Variants in DPP10 observed in about 807,000 individuals in gnomAD.
DPP10 encodes inactive dipeptidyl peptidase 10.
Under a neutral mutation model 120.9 loss-of-function variants are expected in DPP10, and 33 were observed. The observed-to-expected ratio is 0.27, with a 90% CI of 0.21 to 0.37. The LOEUF (loss-of-function observed/expected upper bound fraction) is 0.37. Ranked by LOEUF, DPP10 falls within the 10% of genes least tolerant of loss-of-function variation. DPP10 has a pLI of 1.00. For synonymous variants in DPP10, 337 were observed against 326.1 expected (o/e 1.03, Z -0.36); for missense variants, 816 against 942.8 (o/e 0.87, Z 1.76).
chr2:115,818,174 T>C (rs1436648732), intron 21 of DPP10, among the ~76,000 whole-genome samples: 1 of 152,204 alleles, frequency 6.6e-6, no homozygotes, highest in East Asian at 1.9e-4. Context: ...CATCAGTTTC[T>C]TATTAGGGTT....
chr2:114,621,190 A>T (rs1694066202), intron 1 of DPP10, among the ~76,000 whole-genome samples: 1 of 152,084 alleles, frequency 6.6e-6, no homozygotes, highest in Non-Finnish European at 1.5e-5. Flanking sequence ...TGTTAGGCAA[A>T]TGCTTATTAT....
At chr2:115,823,601 A>G (rs1688022937) in intron 21 of DPP10, among the ~76,000 whole-genome samples, 1 of 152,122 alleles carries the variant, frequency 6.6e-6, no homozygotes, top group African/African-American at 2.4e-5. Context: ...TTCAGTTTGT[A>G]TTTGGCTTTT....
intron 4 of DPP10, among the ~76,000 whole-genome samples, chr2:115,511,203 AC>A (rs2077205220): frequency 6.6e-6 from 1 of 152,104 alleles, no homozygotes; most frequent in Non-Finnish European, 1.5e-5. Context: ...CACTGATGAT[AC>A]CATTATGGCC....
At chr2:115,535,523 G>A (rs1575118721) in intron 5 of DPP10, among the ~76,000 whole-genome samples, 1 of 151,370 alleles carries the variant, frequency 6.6e-6, no homozygotes, top group South Asian at 2.1e-4. Context: ...TAGCCTTGTA[G>A]TATAGTTTGA....
chr2:115,649,719 T>C (rs1333940819), intron 5 of DPP10, among the ~76,000 whole-genome samples: 2 of 152,150 alleles, frequency 1.3e-5, no homozygotes, highest in Non-Finnish European at 2.9e-5. Flanking sequence ...TATTATGTAG[T>C]CAGAATGAAA....
chr2:114,735,451 C>T (rs924865106), intron 1 of DPP10, among the ~76,000 whole-genome samples: 2 of 152,094 alleles, frequency 1.3e-5, no homozygotes, highest in African/African-American at 4.8e-5. Context: ...ATGTAAAAAT[C>T]TTTCAGATGG....
At chr2:115,756,693 T>C (rs1679445371) in intron 11 of DPP10, among the ~76,000 whole-genome samples, 1 of 152,136 alleles carries the variant, frequency 6.6e-6, no homozygotes, top group Non-Finnish European at 1.5e-5. Flanking sequence ...AAGGAATAAA[T>C]CCTGTAATTC....
chr2:115,453,822 A>AT (rs1466534086), intron 3 of DPP10, among the ~76,000 whole-genome samples: 3 of 151,558 alleles, frequency 2.0e-5, no homozygotes, highest in African/African-American at 7.2e-5. Flanking sequence ...AATTCTTTAA[A>AT]AAGACCAACA....
At chr2:114,662,735 G>A (rs1003163564) in intron 1 of DPP10, among the ~76,000 whole-genome samples, 5 of 152,100 alleles carry the variant, frequency 3.3e-5, no homozygotes, top group African/African-American at 1.2e-4. Context: ...ATGGCGCTTT[G>A]GCTCCTGGGG....
At chr2:114,567,235 G>A (rs904346594) in intron 1 of DPP10, among the ~76,000 whole-genome samples, 2 of 152,154 alleles carry the variant, frequency 1.3e-5, no homozygotes, top group Non-Finnish European at 2.9e-5. Context: ...CAGAATAATA[G>A]CCCCCTAAAG....
intron 2 of DPP10, among the ~76,000 whole-genome samples, chr2:115,331,926 A>C (rs551354777): frequency 6.6e-6 from 1 of 152,240 alleles, no homozygotes; most frequent in African/African-American, 2.4e-5. Context: ...TATCAGGATG[A>C]TGCTGGCCTC....
At chr2:114,942,524 A>C (rs950413763) in intron 1 of DPP10, among the ~76,000 whole-genome samples, 3 of 150,918 alleles carry the variant, frequency 2.0e-5, no homozygotes, top group African/African-American at 7.3e-5. Flanking sequence ...AGGAAGAATA[A>C]GTCAATCTGT....
At chr2:114,767,009 T>C (rs947235372) in intron 1 of DPP10, among the ~76,000 whole-genome samples, 1 of 150,520 alleles carries the variant, frequency 6.6e-6, no homozygotes, top group Non-Finnish European at 1.5e-5. Context: ...AGTGTGCAAA[T>C]GTCAATTTCC....
At chr2:114,920,706 T>C (rs747549717) in intron 1 of DPP10, among the ~76,000 whole-genome samples, 3 of 152,214 alleles carry the variant, frequency 2.0e-5, no homozygotes, top group Non-Finnish European at 2.9e-5. Context: ...ATAAACATTT[T>C]ACAAGAAATG....
At chr2:115,503,871 G>A (rs955542190) in intron 4 of DPP10, among the ~76,000 whole-genome samples, 5 of 152,068 alleles carry the variant, frequency 3.3e-5, no homozygotes, top group African/African-American at 1.2e-4. Flanking sequence ...GTGAGTAGAG[G>A]TCAGAAATGT....
intron 1 of DPP10, among the ~76,000 whole-genome samples, chr2:115,249,934 T>C (rs1009512038): frequency 3.3e-5 from 5 of 152,184 alleles, no homozygotes; most frequent in African/African-American, 1.2e-4. Flanking sequence ...ATTGAATTAT[T>C]GCAATGGGTG....
chr2:115,348,382 C>T (rs1277774433), intron 3 of DPP10, among the ~76,000 whole-genome samples: 1 of 152,124 alleles, frequency 6.6e-6, no homozygotes, highest in Non-Finnish European at 1.5e-5. Context: ...TATGTGATAT[C>T]ACATTGTCTA....
chr2:115,134,656 T>C lies in DPP10; in HGVS notation c.61-174583T>C, dbSNP rs181117506. Among the ~76,000 whole-genome samples, 207 of 152,138 alleles carry C rather than the reference T, an allele frequency of 1.4e-3. 2 individuals carry two copies. The highest frequency in any genetic ancestry group is 4.7e-3 in the African/African-American group (195 of 41,504). ...TACAGTGACGCAAATAGGGCCTTCA[T>C]CTAAAAAGATCAGAGTAATAGCATA... On this transcript the variant is annotated intron_variant, in intron 1 of 25. Coordinates refer to ENST00000410059, the MANE Select transcript of DPP10 (RefSeq NM_020868.6).
intron 5 of DPP10, among the ~76,000 whole-genome samples, chr2:115,627,996 G>A (rs76557688): frequency 2.3e-4 from 35 of 152,102 alleles, no homozygotes; most frequent in African/African-American, 8.0e-4. Context: ...ATGTATCCCA[G>A]TAATGGGATT....
Sources: gnomAD v4.1 joint callset for allele counts (sites outside exome capture counted in the v4.1 genomes callset) on GRCh38, gnomAD v4.1.1 for gene constraint, MANE v1.5 for transcripts, NCBI Gene and HGNC (gene_info 2026-07-23, HGNC 2026-07-21) for gene names.